Variants in CTNNA2 observed in about 807,000 individuals in gnomAD.
The protein encoded by CTNNA2 is catenin alpha-2.
In CTNNA2, 42 loss-of-function variants were observed where a neutral mutation model predicts 101.0. The observed-to-expected ratio is 0.42, with a 90% confidence interval of 0.32 to 0.54. CTNNA2 has a LOEUF of 0.54. CTNNA2 is among the 20% of genes least tolerant of loss of function. The pLI is 0.14. For missense variants in CTNNA2, 871 were observed against 1,223.1 expected (o/e 0.71, Z 4.29); for synonymous variants, 450 against 456.4 (o/e 0.99, Z 0.18).
At chr2:79,550,627 G>A (rs1167267715) in intron 1 of CTNNA2, among the ~76,000 whole-genome samples, 2 of 152,230 alleles carry the variant, frequency 1.3e-5, no homozygotes, top group Admixed American at 6.5e-5. Context: ...TGTATTAAGC[G>A]CAACACTCAT....
At chr2:79,830,910 T>C (rs1292978997) in intron 3 of CTNNA2, among the ~76,000 whole-genome samples, 1 of 152,212 alleles carries the variant, frequency 6.6e-6, no homozygotes, top group Non-Finnish European at 1.5e-5. Context: ...TGGTGTAATG[T>C]AGGACGTGTA....
intron 1 of CTNNA2, among the ~76,000 whole-genome samples, chr2:79,518,587 C>T (rs1018456772): frequency 1.2e-4 from 19 of 152,104 alleles, no homozygotes; most frequent in African/African-American, 4.3e-4. Context: ...ACCCAGAAAC[C>T]ACAAGGACTC....
intron 2 of CTNNA2, among the ~76,000 whole-genome samples, chr2:79,713,316 T>C (rs1685861364): frequency 6.6e-6 from 1 of 152,154 alleles, no homozygotes; most frequent in Admixed American, 6.6e-5. Flanking sequence ...AACTGTGGCT[T>C]ATGCCTGTAA....
At chr2:80,131,753 A>C (rs1040842263) in intron 7 of CTNNA2, among the ~76,000 whole-genome samples, 4 of 152,124 alleles carry the variant, frequency 2.6e-5, no homozygotes, top group Non-Finnish European at 2.9e-5. Context: ...AATCCTCAAG[A>C]GCAGTCCTTC....
At chr2:80,154,261 GAT>G (rs1245276024) in intron 7 of CTNNA2, among the ~76,000 whole-genome samples, 1 of 151,986 alleles carries the variant, frequency 6.6e-6, no homozygotes, top group Non-Finnish European at 1.5e-5. Context: ...ATTTTAGAAA[GAT>G]ATAAAATGGC....
chr2:80,642,973 A>C (rs1673658588), intron 18 of CTNNA2, among the ~76,000 whole-genome samples: 1 of 152,138 alleles, frequency 6.6e-6, no homozygotes, highest in African/African-American at 2.4e-5. Context: ...AAAAAAAGAC[A>C]ATGTCCTATA....
intron 7 of CTNNA2, among the ~76,000 whole-genome samples, chr2:80,169,242 G>C (rs927776252): frequency 6.6e-6 from 1 of 152,142 alleles, no homozygotes; most frequent in African/African-American, 2.4e-5. Context: ...ACTCAAGCCT[G>C]GACATTGATT....
At chr2:79,471,911 C>T (rs535036158) in intron 4 of CTNNA2, among the ~76,000 whole-genome samples, 24 of 152,172 alleles carry the variant, frequency 1.6e-4, no homozygotes, top group Middle Eastern at 3.4e-3. Flanking sequence ...TTGACCCTGG[C>T]CCCTTAAAAT....
At position 80,648,131 on chromosome 2, in the gene CTNNA2, G is replaced by T. The variant is rs1265247432; in HGVS notation, c.*259G>T. 1 of 288,146 alleles carries T rather than the reference G, an allele frequency of 3.5e-6. No homozygotes were observed. The highest frequency in any genetic ancestry group is 6.5e-6 in the Non-Finnish European group (1 of 154,442). The allele number at this position is 288,146 out of a possible 1,614,324, so 17.8% of individuals were successfully genotyped here. ...ACATTCTCATAAAATTGGGCACAGAGTTCGCATTGGCGCAATATTTATGGG... is the reference window on the plus strand; with the variant it reads ...ACATTCTCATAAAATTGGGCACAGATTTCGCATTGGCGCAATATTTATGGG... On this transcript the variant is annotated 3_prime_UTR_variant, in exon 19 of 19. Coordinates refer to ENST00000402739, the MANE Select transcript of CTNNA2 (RefSeq NM_001282597.3).
At chr2:80,573,084 A>C (rs995133271) in intron 12 of CTNNA2, 3 of 152,270 alleles carry the variant, frequency 2.0e-5, no homozygotes, top group Non-Finnish European at 4.4e-5. Context: ...TATAAAGAGG[A>C]ATCAGGCATG....
chr2:79,804,332 AAC>A (rs1458348545), intron 3 of CTNNA2, among the ~76,000 whole-genome samples: 3 of 152,214 alleles, frequency 2.0e-5, no homozygotes, highest in Non-Finnish European at 4.4e-5. Context: ...GATGAAGGGA[AAC>A]ACTGCTGATT....
intron 4 of CTNNA2, among the ~76,000 whole-genome samples, chr2:79,457,341 G>A (rs1670836866): frequency 6.6e-6 from 1 of 152,060 alleles, no homozygotes. Flanking sequence ...CAGCAAACAT[G>A]CATTCATAAA....
At chr2:79,731,697 C>T (rs1687204976) in intron 2 of CTNNA2, among the ~76,000 whole-genome samples, 1 of 151,936 alleles carries the variant, frequency 6.6e-6, no homozygotes, top group African/African-American at 2.4e-5. Flanking sequence ...GGCTGGTTGT[C>T]CGTGAGGTTC....
At chr2:80,433,007 T>C (rs933438816) in intron 9 of CTNNA2, among the ~76,000 whole-genome samples, 1 of 152,048 alleles carries the variant, frequency 6.6e-6, no homozygotes, top group African/African-American at 2.4e-5. Flanking sequence ...AGTGGGGCAG[T>C]AGAGTACTTT....
intron 2 of CTNNA2, among the ~76,000 whole-genome samples, chr2:79,685,797 A>G (rs1415840243): frequency 1.3e-5 from 2 of 152,196 alleles, no homozygotes; most frequent in East Asian, 1.9e-4. Flanking sequence ...GTAAATAGGA[A>G]CTAATCAGGG....
chr2:79,542,023 C>T (rs1260875823), intron 1 of CTNNA2, among the ~76,000 whole-genome samples: 3 of 152,122 alleles, frequency 2.0e-5, no homozygotes, highest in Non-Finnish European at 4.4e-5. Flanking sequence ...TGAGAGCTTT[C>T]TGGCCTTATA....
chr2:79,349,039 A>T (rs960020814), intron 3 of CTNNA2, among the ~76,000 whole-genome samples: 10 of 152,244 alleles, frequency 6.6e-5, no homozygotes, highest in African/African-American at 2.4e-4. Flanking sequence ...AAGTCATGAT[A>T]TGCAAAGTGG....
chr2:80,611,925 A>C (rs1573453393), intron 17 of CTNNA2, among the ~76,000 whole-genome samples: 1 of 151,632 alleles, frequency 6.6e-6, no homozygotes. Flanking sequence ...CCAAATGTAC[A>C]CAAAAATGGT....
chr2:79,892,173 A>G (rs1684357316), intron 6 of CTNNA2, among the ~76,000 whole-genome samples: 1 of 152,162 alleles, frequency 6.6e-6, no homozygotes, highest in Non-Finnish European at 1.5e-5. Context: ...ACATACAGAC[A>G]CTTCAGAGAA....
Sources: allele counts gnomAD v4.1 joint callset (sites outside exome capture counted in the v4.1 genomes callset), GRCh38; gene constraint gnomAD v4.1.1; transcripts MANE v1.5; gene names NCBI Gene and HGNC (gene_info 2026-07-23, HGNC 2026-07-21).